Variants in ZNF148 observed in about 807,000 individuals in gnomAD.
ZNF148 encodes the protein Beta-Enolase Repressor Factor-1.
Under a neutral mutation model 67.7 loss-of-function variants are expected in ZNF148, and 7 were observed. That is an observed-to-expected ratio of 0.10 (90% confidence interval 0.06 to 0.19). ZNF148 has a LOEUF of 0.19. ZNF148 is among the 10% of genes least tolerant of loss of function. The pLI is 1.00. For synonymous variants in ZNF148, 333 were observed against 330.7 expected, an observed-to-expected ratio of 1.01 and a Z score of -0.08; for missense variants, 583 against 947.1, an observed-to-expected ratio of 0.62 and a Z score of 5.05.
In ZNF148 at chr3:125,299,477, C is replaced by A. The variant is rs530233379; in HGVS notation, c.334-11249G>T. On this transcript the variant is annotated intron_variant, in intron 4 of 8. Coordinates refer to ENST00000360647, the MANE Select transcript of ZNF148 (RefSeq NM_021964.3). ...GCCAGGAGTTCAAGGCCAGCCTGGGCAACCTAGCAAGTTTCCATCTCTGTA... is the reference window on the plus strand; with the variant it reads ...GCCAGGAGTTCAAGGCCAGCCTGGGAAACCTAGCAAGTTTCCATCTCTGTA... Among the ~76,000 whole-genome samples the A allele has an allele frequency of 3.9e-5, 6 of 152,204 alleles. No homozygotes were observed. The East Asian group carries it at 9.6e-4, about 24-fold the overall frequency.
intron 7 of ZNF148, among the ~76,000 whole-genome samples, chr3:125,238,092 C>G (rs1005766033): frequency 2.6e-5 from 4 of 152,052 alleles, no homozygotes; most frequent in Non-Finnish European, 2.9e-5. Flanking sequence ...TAGACCCCCC[C>G]CAACCAACTC....
intron 1 of ZNF148, among the ~76,000 whole-genome samples, chr3:125,342,130 TA>T (rs556477550): frequency 2.2e-4 from 33 of 147,078 alleles, no homozygotes; most frequent in East Asian, 8.1e-4. Flanking sequence ...TACAGGGCAA[TA>T]AAAAAAAAAA....
At chr3:125,335,257 G>C (rs976666028) in intron 1 of ZNF148, among the ~76,000 whole-genome samples, 1 of 152,224 alleles carries the variant, frequency 6.6e-6, no homozygotes, top group East Asian at 1.9e-4. Flanking sequence ...AAGAGACTCA[G>C]TATTTTTTTA....
intron 4 of ZNF148, among the ~76,000 whole-genome samples, chr3:125,295,974 G>C (rs377040730): frequency 4.0e-5 from 6 of 151,750 alleles, no homozygotes; most frequent in Non-Finnish European, 8.8e-5. Flanking sequence ...ATACACAAAG[G>C]ATTAGCAATT....
intron 2 of ZNF148, among the ~76,000 whole-genome samples, chr3:125,326,767 T>C (rs950749350): frequency 2.0e-5 from 3 of 147,716 alleles, no homozygotes; most frequent in Non-Finnish European, 4.5e-5. Context: ...TATAAAGATA[T>C]ATATATCTTT....
At chr3:125,338,659 CAAAAAAAA>C (rs757727396) in intron 1 of ZNF148, among the ~76,000 whole-genome samples, 2 of 51,198 alleles carry the variant, frequency 3.9e-5, no homozygotes, top group South Asian at 1.1e-3. Flanking sequence ...GACCCTGTCT[CAAAAAAAA>C]AAAAAAAAAA....
At chr3:125,253,409 G>A (rs969215392) in intron 7 of ZNF148, among the ~76,000 whole-genome samples, 1 of 152,080 alleles carries the variant, frequency 6.6e-6, no homozygotes, top group Non-Finnish European at 1.5e-5. Context: ...AATAATTTGT[G>A]AGTGATAGTT....
At chr3:125,307,869 C>T (rs1939973393) in intron 4 of ZNF148, among the ~76,000 whole-genome samples, 1 of 141,138 alleles carries the variant, frequency 7.1e-6, no homozygotes. Context: ...GCAGGCTGGT[C>T]TTGAAGTTCT....
intron 7 of ZNF148, among the ~76,000 whole-genome samples, chr3:125,258,492 G>A (rs1388544538): frequency 6.7e-6 from 1 of 149,594 alleles, no homozygotes; most frequent in African/African-American, 2.5e-5. Flanking sequence ...TCAAACTCCT[G>A]GGCTCATGAT....
intron 4 of ZNF148, among the ~76,000 whole-genome samples, chr3:125,308,526 T>TAA (rs202081671): frequency 8.2e-4 from 33 of 40,466 alleles, no homozygotes; most frequent in Admixed American, 8.5e-4. Context: ...GACTTTTCTA[T>TAA]AAAAAAAAAA....
intron 4 of ZNF148, among the ~76,000 whole-genome samples, chr3:125,290,037 ACCACCACCAT>A (rs1163038666): frequency 6.6e-6 from 1 of 152,048 alleles, no homozygotes; most frequent in Non-Finnish European, 1.5e-5. Flanking sequence ...ATATGCCACC[ACCACCACCAT>A]CCACCACCAC....
chr3:125,265,802 C>T (rs569312542), intron 7 of ZNF148, among the ~76,000 whole-genome samples: 3 of 152,134 alleles, frequency 2.0e-5, no homozygotes, highest in Admixed American at 6.5e-5. Flanking sequence ...TGTCTTCAAA[C>T]AGCAACAAAT....
At chr3:125,333,959 A>G (rs1941393160) in intron 1 of ZNF148, among the ~76,000 whole-genome samples, 1 of 152,212 alleles carries the variant, frequency 6.6e-6, no homozygotes, top group Non-Finnish European at 1.5e-5. Context: ...CAATCAAGGT[A>G]GTATTTGTTT....
At chr3:125,298,983 G>A (rs1939442100) in intron 4 of ZNF148, among the ~76,000 whole-genome samples, 1 of 152,006 alleles carries the variant, frequency 6.6e-6, no homozygotes, top group South Asian at 2.1e-4. Flanking sequence ...CACACAATAT[G>A]TTTCTTTATA....
At chr3:125,362,555 T>G (rs548241081) in intron 1 of ZNF148, among the ~76,000 whole-genome samples, 1 of 134,574 alleles carries the variant, frequency 7.4e-6, no homozygotes, top group Non-Finnish European at 1.7e-5. Context: ...TTTTTGTTTT[T>G]GTTTTTGTTT....
At chr3:125,319,219 T>C (rs1326203439) in intron 3 of ZNF148, among the ~76,000 whole-genome samples, 1 of 152,244 alleles carries the variant, frequency 6.6e-6, no homozygotes, top group African/African-American at 2.4e-5. Context: ...TTAATGTTTC[T>C]AATCAATTAT....
intron 7 of ZNF148, among the ~76,000 whole-genome samples, chr3:125,255,927 C>T (rs1287752338): frequency 1.3e-5 from 2 of 151,830 alleles, no homozygotes; most frequent in Admixed American, 6.6e-5. Context: ...CTCCTTGGTT[C>T]GTTTTTTAAA....
chr3:125,371,003 A>C (rs1942860872), intron 1 of ZNF148, among the ~76,000 whole-genome samples: 1 of 151,996 alleles, frequency 6.6e-6, no homozygotes, highest in Admixed American at 6.6e-5. Context: ...TCTCCCTACT[A>C]CATCCCCCCA....
chr3:125,314,337 A>G (rs1024021929), intron 3 of ZNF148, among the ~76,000 whole-genome samples: 1 of 152,214 alleles, frequency 6.6e-6, no homozygotes, highest in African/African-American at 2.4e-5. Context: ...ACATTTTGGA[A>G]TTTATCTTGA....
Sources: gnomAD v4.1 joint callset for allele counts (sites outside exome capture counted in the v4.1 genomes callset) on GRCh38, gnomAD v4.1.1 for gene constraint, MANE v1.5 for transcripts, NCBI Gene and HGNC (gene_info 2026-07-23, HGNC 2026-07-21) for gene names.